The following ASZ1 variants were observed in gnomAD, a reference collection of about 807,000 sequenced individuals.
The protein encoded by ASZ1 is ankyrin repeat, SAM and basic leucine zipper domain containing 1.
A neutral mutation model predicts 61.8 loss-of-function variants in ASZ1; 67 were observed. The ratio of observed to expected loss-of-function variants is 1.08; its 90% CI spans 0.89 to 1.33. The LOEUF is 1.33. Ranked by LOEUF, ASZ1 falls within the 40% of genes most tolerant of loss-of-function variation. The pLI, the probability that ASZ1 is intolerant of heterozygous loss-of-function variation, is 0.00. For missense variants in ASZ1, 577 were observed against 554.5 expected (o/e 1.04, Z -0.41); for synonymous variants, 193 against 192.7 (o/e 1.00, Z -0.01).
At chr7:117,426,509 A>AC (rs1239831552) in intron 2 of ASZ1, among the ~76,000 whole-genome samples, 1 of 148,692 alleles carries the variant, frequency 6.7e-6, no homozygotes, top group Admixed American at 6.7e-5. Context: ...AAAAAAAAAA[A>AC]AGAAAAAGAA....
chr7:117,377,873 A>G (rs2116460566), intron 10 of ASZ1, among the ~76,000 whole-genome samples: 1 of 152,238 alleles, frequency 6.6e-6, no homozygotes, highest in South Asian at 2.1e-4. Flanking sequence ...GAGAACCCAG[A>G]TTATACCCAC....
chr7:117,389,931 T>A (rs528911501), intron 4 of ASZ1, among the ~76,000 whole-genome samples: 1 of 152,338 alleles, frequency 6.6e-6, no homozygotes, highest in African/African-American at 2.4e-5. Flanking sequence ...TATATGCATG[T>A]GTACCCAATG....
At chr7:117,418,042 G>A (rs567017751) in intron 4 of ASZ1, among the ~76,000 whole-genome samples, 1 of 152,300 alleles carries the variant, frequency 6.6e-6, no homozygotes, top group African/African-American at 2.4e-5. Context: ...TCTAGTTCTT[G>A]AGGAGAAAGA....
chr7:117,423,545 G>T (rs565016947), intron 2 of ASZ1, among the ~76,000 whole-genome samples: 1 of 151,960 alleles, frequency 6.6e-6, no homozygotes, highest in East Asian at 1.9e-4. Context: ...AGGAAAAGAT[G>T]CAAAGAAAAA....
Position 117,380,018 on chromosome 7 carries a change from T to A in ASZ1, c.975A>T (p.Lys325Asn). The A allele has an allele frequency of 6.2e-7, 1 of 1,604,870 alleles. No individual in the cohort carries two copies. The highest frequency in any genetic ancestry group is 8.5e-7 in the Non-Finnish European group (1 of 1,175,060). Residue 325 changes from lysine to asparagine, a missense_variant, in exon 10 of 13, where the codon AAA becomes AAT. Coordinates refer to ENST00000284629, the MANE Select transcript of ASZ1 (RefSeq NM_130768.3). Reference sequence around the variant, plus strand: ...GTAGTTCTTTAAGAGCAGCCAGAATTTTCTGCTGGTCTTTACTGGTAATTC... The same window carrying A: ...GTAGTTCTTTAAGAGCAGCCAGAATATTCTGCTGGTCTTTACTGGTAATTC... Reference protein sequence around the residue: ...KNGITSKDQQKILAALKELQV... With the variant: ...KNGITSKDQQNILAALKELQV...
intron 4 of ASZ1, among the ~76,000 whole-genome samples, chr7:117,416,057 G>A (rs79686387): frequency 6.6e-6 from 1 of 152,058 alleles, no homozygotes; most frequent in Non-Finnish European, 1.5e-5. Flanking sequence ...TAGGAGTGGT[G>A]GCATACCTGT....
At chr7:117,407,315 TA>T (rs1354524971) in intron 4 of ASZ1, among the ~76,000 whole-genome samples, 1 of 151,208 alleles carries the variant, frequency 6.6e-6, no homozygotes, top group Non-Finnish European at 1.5e-5. Context: ...TTCATAAAGG[TA>T]AAAGGTCAAT....
chr7:117,371,623 T>C (rs1475839417), intron 10 of ASZ1, among the ~76,000 whole-genome samples: 1 of 152,154 alleles, frequency 6.6e-6, no homozygotes, highest in Non-Finnish European at 1.5e-5. Context: ...GCAACAGCAG[T>C]GATTACTTGT....
Position 117,380,018 on chromosome 7 carries a change from T to G in ASZ1, c.975A>C (p.Lys325Asn). 6.2e-7 allele frequency: 1 copy of G among 1,604,870 alleles called. No individual in the cohort carries two copies. Among genetic ancestry groups the G allele is most frequent in the African/African-American group, 1.3e-5 (1 of 74,856 alleles). The change falls in exon 10 of 13, where the codon AAA becomes AAC. Residue 325 changes from lysine to asparagine, a missense_variant. Physicochemically the swap from Lys to Asn is moderately conservative, Grantham distance 94. Transcript: ENST00000284629. Reference sequence around the variant, plus strand: ...GTAGTTCTTTAAGAGCAGCCAGAATTTTCTGCTGGTCTTTACTGGTAATTC... The same window carrying G: ...GTAGTTCTTTAAGAGCAGCCAGAATGTTCTGCTGGTCTTTACTGGTAATTC... ...KNGITSKDQQ[K>N]ILAALKELQV...
intron 4 of ASZ1, among the ~76,000 whole-genome samples, chr7:117,399,040 G>T (rs1796628765): frequency 6.6e-6 from 1 of 152,082 alleles, no homozygotes; most frequent in Admixed American, 6.6e-5. Flanking sequence ...ACCAGACTGG[G>T]CAACATAGTG....
intron 4 of ASZ1, among the ~76,000 whole-genome samples, chr7:117,418,935 T>C (rs1797049363): frequency 6.6e-6 from 1 of 152,150 alleles, no homozygotes; most frequent in African/African-American, 2.4e-5. Flanking sequence ...CACTCCAGCA[T>C]GGGTGACAGA....
At chr7:117,396,547 A>C (rs1029397) in intron 4 of ASZ1, among the ~76,000 whole-genome samples, 20,099 of 152,204 alleles carry the variant, frequency 0.13, 3,139 homozygotes, top group African/African-American at 0.38. Flanking sequence ...CCACCTCAAA[A>C]ATCCTCTGAC....
intron 12 of ASZ1, among the ~76,000 whole-genome samples, chr7:117,365,654 G>GA (rs936814673): frequency 2.0e-5 from 3 of 152,114 alleles, no homozygotes; most frequent in Admixed American, 2.0e-4. Context: ...GGATACCCAT[G>GA]AAAAATGGCA....
intron 4 of ASZ1, among the ~76,000 whole-genome samples, chr7:117,414,763 T>C (rs1335777036): frequency 6.6e-6 from 1 of 152,206 alleles, no homozygotes; most frequent in African/African-American, 2.4e-5. Flanking sequence ...GTTAGTTTGC[T>C]GAGAATGATG....
intron 10 of ASZ1, among the ~76,000 whole-genome samples, chr7:117,377,935 G>A (rs1044368222): frequency 2.0e-5 from 3 of 151,938 alleles, no homozygotes; most frequent in African/African-American, 7.3e-5. Context: ...ATTCAATGGG[G>A]GAGGAACAGC....
At chr7:117,386,361 T>G (rs1796355635) in intron 4 of ASZ1, among the ~76,000 whole-genome samples, 1 of 152,338 alleles carries the variant, frequency 6.6e-6, no homozygotes, top group African/African-American at 2.4e-5. Flanking sequence ...AGAAAAGAGA[T>G]AAGTCCAATA....
intron 2 of ASZ1, among the ~76,000 whole-genome samples, chr7:117,425,648 A>G (rs1021356577): frequency 6.6e-6 from 1 of 152,100 alleles, no homozygotes; most frequent in African/African-American, 2.4e-5. Context: ...TAATACACAA[A>G]AAATTCATGA....
At position 117,363,700 on chromosome 7, in the gene ASZ1, C is replaced by T. The variant is rs749084499; in HGVS notation, c.1324G>A (p.Glu442Lys). The T allele has an allele frequency of 1.0e-5, 16 of 1,606,134 alleles. No individual in the cohort carries two copies. The highest frequency in any genetic ancestry group is 3.3e-4 in the Middle Eastern group (2 of 6,062). ...NDPTHIQLRE[E>K]VSTWNSRILK... ...ATTCTACTATTCCATGTAGATACTT[C>T]TTCCCTTAATTGTATATGAGTTGGA... The change falls in exon 13 of 13, where the codon GAA (glutamate) becomes AAA (lysine). Residue 442 changes from glutamate (E) to lysine (K), a missense_variant. Transcript: ENST00000284629.
intron 4 of ASZ1, among the ~76,000 whole-genome samples, chr7:117,407,503 G>T (rs1303882680): frequency 6.6e-6 from 1 of 151,880 alleles, no homozygotes; most frequent in Non-Finnish European, 1.5e-5. Flanking sequence ...ACAGATAGTA[G>T]TGAACCATTT....
Sources: allele counts gnomAD v4.1 joint callset (sites outside exome capture counted in the v4.1 genomes callset), GRCh38; gene constraint gnomAD v4.1.1; transcripts MANE v1.5; gene names NCBI Gene and HGNC (gene_info 2026-07-23, HGNC 2026-07-21).